Variants in ADGRD2 observed in about 807,000 individuals in gnomAD.
ADGRD2 encodes the protein adhesion G protein-coupled receptor D2.
In ADGRD2, 71 loss-of-function variants were observed where a neutral mutation model predicts 44.4. The observed-to-expected ratio is 1.60, with a 90% CI of 1.32 to 1.95. The LOEUF (loss-of-function observed/expected upper bound fraction) is 1.95, where lower values mean the gene tolerates loss of function less well. Ranked by LOEUF, ADGRD2 falls within the 30% of genes most tolerant of loss-of-function variation. ADGRD2 has a pLI of 0.00. For missense variants in ADGRD2, 1,039 were observed against 512.4 expected (o/e 2.03, Z -9.92); for synonymous variants, 481 against 224.8 (o/e 2.14, Z -10.19).
At chr9:124,461,734 T>G (rs1831725123) in intron 10 of ADGRD2, among the ~76,000 whole-genome samples, 1 of 152,062 alleles carries the variant, frequency 6.6e-6, no homozygotes, top group Non-Finnish European at 1.5e-5. Context: ...TTGTTTTTTT[T>G]TTTTAATTTG....
chr9:124,452,528 A>G (rs979235619), exon 2 of ADGRD2: 3 of 718,478 alleles, frequency 4.2e-6, no homozygotes, highest in Non-Finnish European at 7.8e-6. Flanking sequence ...GCCGCCGGCG[A>G]GGTGGTGAAG....
upstream of ADGRD2, chr9:124,451,642 T>C (rs1281010059): frequency 3.7e-6 from 1 of 268,226 alleles, no homozygotes; most frequent in Non-Finnish European, 7.3e-6. Flanking sequence ...CCCTGCTGTC[T>C]GTCACCTGCT....
intron 9 of ADGRD2, 127 bp downstream of exon 12, chr9:124,458,363 A>AAC (rs1427076656): frequency 8.1e-6 from 5 of 618,812 alleles, no homozygotes; most frequent in South Asian, 1.9e-5. Context: ...ACCCCTGCCC[A>AAC]ACACACACAC....
intron 21 of ADGRD2, among the ~76,000 whole-genome samples, chr9:124,477,376 C>T (rs1832069126): frequency 1.3e-5 from 2 of 152,250 alleles, no homozygotes; most frequent in Non-Finnish European, 1.5e-5. Context: ...CAGCCTCCGC[C>T]AGGTGACTGT....
At chr9:124,464,332 A>C (rs1276384326) in intron 10 of ADGRD2, among the ~76,000 whole-genome samples, 1 of 152,236 alleles carries the variant, frequency 6.6e-6, no homozygotes, top group African/African-American at 2.4e-5. Context: ...TTCTGGGCAC[A>C]TAACACTATA....
chr9:124,474,239 C>G lies in ADGRD2; in HGVS notation c.2759-1207C>G, dbSNP rs1472452704. 8.4e-5 allele frequency among the ~76,000 whole-genome samples: 12 copies of G among 142,300 alleles called. No individual in the cohort carries two copies. The Admixed American group carries it at 8.8e-4, about 10-fold the overall frequency. 93.4% of individuals were successfully genotyped at this position (142,300 alleles called of 152,430 possible). On this transcript the variant is annotated intron_variant, in intron 17 of 21. Coordinates refer to ENST00000334810, the Ensembl canonical transcript of ADGRD2. ...GCAGTGAGCCGAAATTGTGCCATTGCACTCCAGCCTGGGCAATAAGAGTGA... is the reference window on the plus strand; with the variant it reads ...GCAGTGAGCCGAAATTGTGCCATTGGACTCCAGCCTGGGCAATAAGAGTGA...
upstream of ADGRD2, chr9:124,451,358 C>G: frequency 2.5e-6 from 1 of 398,326 alleles, no homozygotes; most frequent in South Asian, 1.9e-5. Flanking sequence ...GCTGCCTCCC[C>G]CTCTCCCAGC....
At chr9:124,453,423 G>A (rs752791632) in exon 3 of ADGRD2, 3 of 641,412 alleles carry the variant, frequency 4.7e-6, no homozygotes, top group African/African-American at 1.9e-5. Flanking sequence ...CCGGCCACCC[G>A]GTGCCGTCCG....
chr9:124,458,702 A>G, exon 10 of ADGRD2: 1 of 718,528 alleles, frequency 1.4e-6, no homozygotes, highest in Non-Finnish European at 2.6e-6. Flanking sequence ...ATGACCTTTC[A>G]TCTCCAGCAC....
chr9:124,458,355 C>T (rs1023135101), intron 9 of ADGRD2, 119 bp downstream of exon 12: 17 of 638,864 alleles, frequency 2.7e-5, no homozygotes, highest in South Asian at 1.4e-4. Flanking sequence ...CCTTTCCCAC[C>T]CCTGCCCAAC....
At chr9:124,453,849 T>G in intron 3 of ADGRD2, 150 bp from the exon 7 acceptor site, 1 of 596,756 alleles carries the variant, frequency 1.7e-6, no homozygotes, top group South Asian at 2.0e-5. Flanking sequence ...CCTGGGGGTC[T>G]GCGCTCGTCC....
At chr9:124,473,974 G>T (rs1564144102) in intron 17 of ADGRD2, among the ~76,000 whole-genome samples, 1 of 152,098 alleles carries the variant, frequency 6.6e-6, no homozygotes, top group African/African-American at 2.4e-5. Flanking sequence ...CCTCAAAGCT[G>T]TTGTAAAGAG....
exon 21 of ADGRD2, chr9:124,476,698 TC>T (rs1215160627): frequency 1.4e-6 from 1 of 702,202 alleles, no homozygotes; most frequent in African/African-American, 1.7e-5. Flanking sequence ...CTGACAGCGT[TC>T]AAAGCTTCAG....
chr9:124,477,020 A>G (rs1240096528), intron 21 of ADGRD2: 1 of 634,196 alleles, frequency 1.6e-6, no homozygotes, highest in Non-Finnish European at 3.0e-6. Context: ...CAAGGAGCAC[A>G]GCCTGCCTTT....
At chr9:124,452,078 T>C (rs1326528467), upstream of ADGRD2, 9 of 573,692 alleles carry the variant, frequency 1.6e-5, no homozygotes, top group Non-Finnish European at 2.7e-5. Context: ...CCACCTGTCT[T>C]CTTCTCTCCC....
At chr9:124,466,409 T>C (rs746427433) in exon 11 of ADGRD2, 3 of 711,608 alleles carry the variant, frequency 4.2e-6, no homozygotes, top group Non-Finnish European at 7.9e-6. Context: ...ATCTATGAAG[T>C]ACAGGTGAGT....
At chr9:124,477,438 C>T (rs954808584) in intron 21 of ADGRD2, among the ~76,000 whole-genome samples, 6 of 152,236 alleles carry the variant, frequency 3.9e-5, no homozygotes, top group Admixed American at 1.3e-4. Flanking sequence ...GGGGCAGGTT[C>T]AGTGCTCAGC....
At chr9:124,470,043 G>A (rs907606008) in intron 16 of ADGRD2, among the ~76,000 whole-genome samples, 31 of 152,260 alleles carry the variant, frequency 2.0e-4, no homozygotes, top group Admixed American at 9.2e-4. Context: ...TCCCAGCCCT[G>A]CCTCCTTGCT....
chr9:124,475,422 G>A, intron 17 of ADGRD2, 24 bp from the exon 21 acceptor site: 1 of 708,932 alleles, frequency 1.4e-6, no homozygotes, highest in East Asian at 2.7e-5. Flanking sequence ...TCCGGGCTGA[G>A]GCACTCGCTG....
Sources: allele counts gnomAD v4.1 joint callset (sites outside exome capture counted in the v4.1 genomes callset), GRCh38; gene constraint gnomAD v4.1.1; transcripts MANE v1.5; gene names NCBI Gene and HGNC (gene_info 2026-07-23, HGNC 2026-07-21).